The following CD96 variants were observed in gnomAD, a reference collection of about 807,000 sequenced individuals.
CD96 encodes CD96 molecule.
CD96 carries 70 observed loss-of-function variants against 71.3 expected under a neutral mutation model. That is an observed-to-expected ratio of 0.98 (90% CI 0.81 to 1.20). CD96 has a LOEUF of 1.20. CD96 is among the 50% of genes most tolerant of loss of function. The pLI, the probability that CD96 is intolerant of heterozygous loss-of-function variation, is 0.00. For missense variants in CD96, 742 were observed against 677.5 expected (o/e 1.10, Z -1.06); for synonymous variants, 248 against 233.0 (o/e 1.06, Z -0.59).
chr3:111,561,101 T>C (rs1935371552), intron 2 of CD96, among the ~76,000 whole-genome samples: 1 of 127,410 alleles, frequency 7.8e-6, no homozygotes, highest in Admixed American at 7.9e-5. Flanking sequence ...ATTCTAGTTA[T>C]ACATTCTTCT....
At chr3:111,571,160 T>G in intron 3 of CD96, 1 of 620,318 alleles carries the variant, frequency 1.6e-6, no homozygotes, top group East Asian at 2.6e-5. Flanking sequence ...CCCTTTTCCC[T>G]GCCCCCTTTT....
At chr3:111,545,999 TA>T (rs34298483) in intron 2 of CD96, among the ~76,000 whole-genome samples, 59,067 of 149,056 alleles carry the variant, frequency 0.4, 13,493 homozygotes, top group Middle Eastern at 0.53. Context: ...TTGTGTTGTT[TA>T]AAAAAAAAAA....
intron 5 of CD96, among the ~76,000 whole-genome samples, chr3:111,588,754 CA>C (rs1419818328): frequency 2.0e-5 from 3 of 152,120 alleles, no homozygotes; most frequent in Non-Finnish European, 4.4e-5. Flanking sequence ...ACTGGGAGTT[CA>C]AGATGAGATT....
chr3:111,585,602 T>C (rs1023434128), intron 5 of CD96, among the ~76,000 whole-genome samples: 5 of 150,902 alleles, frequency 3.3e-5, no homozygotes, highest in African/African-American at 4.9e-5. Flanking sequence ...TTTTAGTCCT[T>C]AAATTTCTCA....
chr3:111,610,660 T>C (rs1485777024), intron 8 of CD96, among the ~76,000 whole-genome samples: 2 of 152,280 alleles, frequency 1.3e-5, no homozygotes, highest in Middle Eastern at 3.4e-3. Context: ...GTTTGCTGAG[T>C]CCCAGCTGCA....
intron 14 of CD96, among the ~76,000 whole-genome samples, chr3:111,661,942 CT>C (rs1200363601): frequency 2.0e-5 from 3 of 152,256 alleles, no homozygotes; most frequent in Non-Finnish European, 4.4e-5. Context: ...CACATTTCCC[CT>C]TTGCCTTACC....
At chr3:111,600,136 T>A (rs1224928473) in intron 6 of CD96, among the ~76,000 whole-genome samples, 1 of 152,214 alleles carries the variant, frequency 6.6e-6, no homozygotes, top group Non-Finnish European at 1.5e-5. Flanking sequence ...CAGCATATCC[T>A]ATCCTACACT....
At chr3:111,599,325 T>C (rs967992792) in intron 6 of CD96, among the ~76,000 whole-genome samples, 1 of 152,182 alleles carries the variant, frequency 6.6e-6, no homozygotes, top group Admixed American at 6.5e-5. Context: ...AGTGTATTGA[T>C]CACTTGATGC....
At chr3:111,561,536 G>T (rs1275246584) in intron 2 of CD96, among the ~76,000 whole-genome samples, 4 of 148,274 alleles carry the variant, frequency 2.7e-5, no homozygotes, top group African/African-American at 9.8e-5. Context: ...TCAGGGGTCA[G>T]GGACCCACTT....
At chr3:111,562,593 G>C (rs1019788165) in intron 2 of CD96, among the ~76,000 whole-genome samples, 6 of 152,126 alleles carry the variant, frequency 3.9e-5, no homozygotes, top group African/African-American at 1.2e-4. Context: ...CCCCTGCATT[G>C]GCAAAGCCAC....
chr3:111,593,613 C>T, intron 5 of CD96: 2 of 1,584,554 alleles, frequency 1.3e-6, no homozygotes, highest in Non-Finnish European at 1.7e-6. Context: ...TCCTTCTCAG[C>T]CCTCACCTTC....
intron 8 of CD96, among the ~76,000 whole-genome samples, chr3:111,611,434 G>C (rs114514548): frequency 6.6e-6 from 1 of 152,158 alleles, no homozygotes; most frequent in African/African-American, 2.4e-5. Flanking sequence ...TCAGAAATTC[G>C]GCAGTTGATA....
intron 14 of CD96, among the ~76,000 whole-genome samples, chr3:111,665,091 G>A (rs1331565045): frequency 6.6e-6 from 1 of 152,070 alleles, no homozygotes; most frequent in Non-Finnish European, 1.5e-5. Flanking sequence ...ACATGTATAT[G>A]CATACAGAGA....
rs1480973841 is a variant in CD96, at chr3:111,585,342, G to A, written c.771G>A (p.Val257=). The A allele has an allele frequency of 6.2e-7, 1 of 1,611,612 alleles. No homozygotes were observed. Among genetic ancestry groups the A allele is most frequent in the Non-Finnish European group, 8.5e-7 (1 of 1,177,816 alleles). The stretch of plus-strand genomic sequence containing the variant: ...TTTAAGCTAAACCAGAAATCCCTGT[G>A]ATTGTGGAAAATAACTCCACGGATG... The part of the protein sequence containing the change: ...VKVFAKPEIP[V]IVENNSTDVL... The change falls in exon 5 of 14, where the codon GTG becomes GTA. Residue 257 remains valine, a synonymous_variant. Coordinates refer to ENST00000352690, the MANE Select transcript of CD96 (RefSeq NM_005816.5).
chr3:111,637,136 G>GT, intron 10 of CD96, 60 bp from the exon 11 acceptor site: 1 of 863,396 alleles, frequency 1.2e-6, no homozygotes, highest in South Asian at 1.3e-5. Context: ...TAAATTAGCA[G>GT]TCAAGAAGTG....
At position 111,543,872 on chromosome 3, in the gene CD96, C is replaced by T. The variant is rs1015944266; in HGVS notation, c.62-1174C>T. Reference sequence around the variant, plus strand: ...TGTCACGGGTTAAATAATTTACTGTCTTTGCCTGAAACCTGTATCCTGCCT... The same window carrying T: ...TGTCACGGGTTAAATAATTTACTGTTTTTGCCTGAAACCTGTATCCTGCCT... On this transcript the variant is annotated intron_variant, in intron 1 of 13. Transcript: ENST00000352690. Among the ~76,000 whole-genome samples the T allele has an allele frequency of 2.6e-5, 4 of 152,318 alleles. No homozygotes were observed. In the South Asian group the frequency reaches 6.2e-4, roughly 24 times the overall value.
At chr3:111,600,997 C>T in intron 7 of CD96, 83 bp downstream of exon 7, 1 of 879,030 alleles carries the variant, frequency 1.1e-6, no homozygotes, top group Non-Finnish European at 1.9e-6. Flanking sequence ...AAGATTATCA[C>T]TTCCATAACG....
chr3:111,566,266 T>C (rs541151724), intron 2 of CD96, among the ~76,000 whole-genome samples: 1 of 151,956 alleles, frequency 6.6e-6, no homozygotes, highest in Non-Finnish European at 1.5e-5. Context: ...TTATCTTAAG[T>C]AGCTGAATGG....
intron 10 of CD96, chr3:111,634,213 A>G (rs565007538): frequency 5.9e-5 from 9 of 152,390 alleles, no homozygotes; most frequent in Non-Finnish European, 1.2e-4. Context: ...AAAATATTTT[A>G]TTATTGAAGT....
Sources: allele counts gnomAD v4.1 joint callset (sites outside exome capture counted in the v4.1 genomes callset), GRCh38; gene constraint gnomAD v4.1.1; transcripts MANE v1.5; gene names NCBI Gene and HGNC (gene_info 2026-07-23, HGNC 2026-07-21).